IFFO2: variants seen among roughly 807,000 people sequenced by gnomAD.
IFFO2 encodes the protein intermediate filament family orphan 2.
IFFO2 carries 19 observed loss-of-function variants against 53.5 expected under a neutral mutation model. The observed-to-expected ratio is 0.36, with a 90% CI of 0.25 to 0.52. The LOEUF is 0.52. Among genes scored for constraint, IFFO2 ranks in the 20% least tolerant of loss-of-function variants. The pLI is 0.94. For missense variants in IFFO2, 570 were observed against 727.4 expected (o/e 0.78, Z 2.49); for synonymous variants, 303 against 313.6 (o/e 0.97, Z 0.36).
intron 1 of IFFO2, among the ~76,000 whole-genome samples, chr1:18,939,228 G>A (rs1196318565): frequency 6.6e-6 from 1 of 152,242 alleles, no homozygotes; most frequent in Non-Finnish European, 1.5e-5. Context: ...CCAGCAGGCA[G>A]GAGCACTGAT....
intron 5 of IFFO2, 101 bp from the exon 6 acceptor site, chr1:18,912,184 C>G: frequency 2.1e-6 from 3 of 1,403,304 alleles, no homozygotes; most frequent in African/African-American, 1.4e-5. Context: ...TACACAGCTT[C>G]AAGGCTGTCC....
chr1:18,954,709 A>C (rs1936701917), intron 1 of IFFO2, among the ~76,000 whole-genome samples: 1 of 152,228 alleles, frequency 6.6e-6, no homozygotes. Context: ...CCAAGCAGAC[A>C]GTATTGTCGG....
Position 18,919,862 on chromosome 1 carries a change from C to T in IFFO2, c.727-89G>A, listed in dbSNP as rs2100652000. 1.1e-6 allele frequency: 1 copy of T among 872,120 alleles called. No individual in the cohort carries two copies. The highest frequency in any genetic ancestry group is 1.8e-6 in the Non-Finnish European group (1 of 555,218). The allele number at this position is 872,120 out of a possible 1,614,324, so 54.0% of individuals were successfully genotyped here. On this transcript the variant is annotated intron_variant, in intron 2 of 8. Coordinates refer to ENST00000455833, the MANE Select transcript of IFFO2 (RefSeq NM_001136265.2). The surrounding 1 kb of genome is among the most constrained non-coding windows in gnomAD (Gnocchi z 4.9). ...ACACCTGAGTCCAGAGCCCTAGGCA[C>T]CCGATGTCCACCCCAGCTGGGCACC...
Position 18,917,035 on chromosome 1 carries a change from G to A in IFFO2, c.971C>T (p.Pro324Leu), listed in dbSNP as rs1248124319. ...EDVSKIFQVV[P>L]KKKERKVASD... is the part of the protein sequence containing the mutation. ...AGCCACCTTACGCTCTTTCTTTTTG[G>A]GGACCACCTGAACCGGAAAGGAAGC... The change falls in exon 5 of 9, where the codon CCC (proline) becomes CTC (leucine). Residue 324 changes from proline to leucine, a missense_variant. Physicochemically the swap from Pro to Leu is moderately conservative, Grantham distance 98. Transcript: ENST00000455833. This position sits in a 1 kb window ranked among gnomAD's most constrained non-coding sequence, Gnocchi z 5.9. The A allele has an allele frequency of 6.4e-7, 1 of 1,552,224 alleles. No individual in the cohort carries two copies. The highest frequency in any genetic ancestry group is 8.7e-7 in the Non-Finnish European group (1 of 1,147,092).
rs1439096781 is a variant in IFFO2, at chr1:18,916,201, T to A, written c.1103+702A>T. On this transcript the variant is annotated intron_variant, in intron 5 of 8. Transcript: ENST00000455833. The surrounding 1 kb of genome is among the most constrained non-coding windows in gnomAD (Gnocchi z 4.3). ...TTCATGACATCCTCAGACACAGACA[T>A]GTCCAGAGAGAGGACAGCCCAGCCC... 6.6e-6 allele frequency among the ~76,000 whole-genome samples: 1 copy of A among 151,966 alleles called. No homozygotes were observed. Among genetic ancestry groups the A allele is most frequent in the Non-Finnish European group, 1.5e-5 (1 of 67,990 alleles).
rs1413173379 is a variant in IFFO2, at chr1:18,955,799, C to A, written c.534G>T (p.Val178=). Residue 178 remains valine (V), a synonymous_variant, in exon 1 of 9, where the codon GTG becomes GTT. Coordinates refer to ENST00000455833, the MANE Select transcript of IFFO2 (RefSeq NM_001136265.2). ...GCACCCACGACACGCCGGGGCCCTG[C>A]ACGGTCTCCACGCCGCCGCCGCCCG... ...RRTGGGGVET[V]QGPGVSWVHP... is the part of the protein sequence containing the mutation. The A allele has an allele frequency of 2.0e-6, 3 of 1,534,674 alleles. No individual in the cohort carries two copies. The East Asian group carries it at 7.5e-5, about 38-fold the overall frequency.
At chr1:18,934,057 CTTTTTTTTTTTTTT>C (rs71577808) in intron 1 of IFFO2, among the ~76,000 whole-genome samples, 145 of 70,318 alleles carry the variant, frequency 2.1e-3, no homozygotes, top group Non-Finnish European at 3.1e-3. Flanking sequence ...TCTCTTATTT[CTTTTTTTTTTTTTT>C]TTTTTTTTTT....
At position 18,956,445 on chromosome 1, in the gene IFFO2, G is replaced by A. The variant is rs1936730578; in HGVS notation, c.-113C>T. 6.2e-6 allele frequency: 1 copy of A among 161,190 alleles called. No homozygotes were observed. The highest frequency in any genetic ancestry group is 1.3e-5 in the Non-Finnish European group (1 of 74,540). The allele number at this position is 161,190 out of a possible 1,614,324, so 10.0% of individuals were successfully genotyped here. A position where few individuals can be genotyped will look rare whatever the true frequency, so the allele number is the denominator to read the frequency against. On this transcript the variant is annotated 5_prime_UTR_variant, in exon 1 of 9. Coordinates refer to ENST00000455833, the MANE Select transcript of IFFO2 (RefSeq NM_001136265.2). The surrounding 1 kb of genome is among the most constrained non-coding windows in gnomAD (Gnocchi z 6.4). Reference sequence around the variant, plus strand: ...GGTGGGCGCGGGCTCCAGCGCGGCCGGCCGGGCGGTTCCAGATGCGCGCCA... The same window carrying A: ...GGTGGGCGCGGGCTCCAGCGCGGCCAGCCGGGCGGTTCCAGATGCGCGCCA...
intron 1 of IFFO2, among the ~76,000 whole-genome samples, chr1:18,948,654 C>T (rs1416277662): frequency 6.6e-6 from 1 of 152,262 alleles, no homozygotes; most frequent in East Asian, 1.9e-4. Context: ...CTTCAGCAGT[C>T]TCCCATCTGG....
rs1262552761 is a variant in IFFO2 at position 18,956,171 on chromosome 1, G to C, written c.162C>G (p.Ile54Met). 1 of 1,475,818 alleles carries C rather than the reference G, an allele frequency of 6.8e-7. No homozygotes were observed. The allele number at this position is 1,475,818 out of a possible 1,614,324, so 91.4% of individuals were successfully genotyped here. A position where few individuals can be genotyped will look rare whatever the true frequency, so the allele number is the denominator to read the frequency against. The change falls in exon 1 of 9, where the codon ATC (isoleucine) becomes ATG (methionine). Residue 54 changes from isoleucine (I) to methionine (M), a missense_variant. Ile to Met is a conservative substitution (Grantham distance 10). Transcript: ENST00000455833. The surrounding 1 kb of genome is among the most constrained non-coding windows in gnomAD (Gnocchi z 6.4). Reference protein sequence around the residue: ...AALRDDLGSNIHLLKGLNVRF... With the variant: ...AALRDDLGSNMHLLKGLNVRF... ...GCACGTTGAGCCCCTTCAAGAGGTGGATGTTGGAGCCCAGGTCGTCCCGCA... is the reference window on the plus strand; with the variant it reads ...GCACGTTGAGCCCCTTCAAGAGGTGCATGTTGGAGCCCAGGTCGTCCCGCA...
intron 1 of IFFO2, among the ~76,000 whole-genome samples, chr1:18,939,276 G>A (rs1936490526): frequency 6.6e-6 from 1 of 152,214 alleles, no homozygotes; most frequent in Non-Finnish European, 1.5e-5. Flanking sequence ...CATGGGGCTG[G>A]CTGTTCTGCT....
At chr1:18,950,780 G>A (rs1391188408) in intron 1 of IFFO2, among the ~76,000 whole-genome samples, 1 of 152,156 alleles carries the variant, frequency 6.6e-6, no homozygotes, top group Admixed American at 6.5e-5. Context: ...GGAATGGGCG[G>A]GGGACACTCC....
At chr1:18,911,620 C>A in intron 6 of IFFO2, 144 bp from the exon 7 acceptor site, 2 of 406,164 alleles carry the variant, frequency 4.9e-6, no homozygotes, top group Non-Finnish European at 8.2e-6. Context: ...CTCACTACAA[C>A]CTCTGCCTCC....
rs2148175994 is a variant in IFFO2 at position 18,928,343 on chromosome 1, G to A, written c.666-7222C>T. Among the ~76,000 whole-genome samples, 1 of 152,316 alleles carries A rather than the reference G, an allele frequency of 6.6e-6. No individual in the cohort carries two copies. The stretch of plus-strand genomic sequence containing the variant: ...GTACTCTCCAGCTCTCGGAAGGAAA[G>A]ACAAATTAAATGCCAACTGATTGTC... On this transcript the variant is annotated intron_variant, in intron 1 of 8. Coordinates refer to ENST00000455833, the MANE Select transcript of IFFO2 (RefSeq NM_001136265.2). This position sits in a 1 kb window ranked among gnomAD's most constrained non-coding sequence, Gnocchi z 4.9.
chr1:18,954,024 C>A (rs1936691615), intron 1 of IFFO2, among the ~76,000 whole-genome samples: 1 of 152,244 alleles, frequency 6.6e-6, no homozygotes, highest in South Asian at 2.1e-4. Flanking sequence ...CCCTAGCCTG[C>A]CCCAATGACA....
At chr1:18,954,950 G>C (rs925111309) in intron 1 of IFFO2, among the ~76,000 whole-genome samples, 6 of 152,198 alleles carry the variant, frequency 3.9e-5, no homozygotes, top group African/African-American at 1.4e-4. Context: ...GGAGAAGAGG[G>C]ATGAAAGGAG....
chr1:18,955,835 C>A lies in IFFO2; in HGVS notation c.498G>T (p.Gln166His). ...RLPGTIWSYTQVRRTGGGGVE... is the reference protein window; with the variant it reads ...RLPGTIWSYTHVRRTGGGGVE... ...CGCCGCCGCCGCCCGTGCGCCGCAC[C>A]TGCGTGTAGCTCCAGATGGTCCCGG... is the stretch of plus-strand genomic sequence containing the variant. The change falls in exon 1 of 9, where the codon CAG (glutamine) becomes CAT (histidine). Residue 166 changes from glutamine to histidine, a missense_variant. Transcript: ENST00000455833. The A allele has an allele frequency of 6.6e-7, 1 of 1,515,188 alleles. No individual in the cohort carries two copies. The highest frequency in any genetic ancestry group is 1.4e-5 in the African/African-American group (1 of 69,860). 93.9% of individuals were successfully genotyped at this position (1,515,188 alleles called of 1,614,324 possible). A position where few individuals can be genotyped will look rare whatever the true frequency, so the allele number is the denominator to read the frequency against.
chr1:18,948,038 T>A (rs1936612426), intron 1 of IFFO2, among the ~76,000 whole-genome samples: 1 of 152,180 alleles, frequency 6.6e-6, no homozygotes, highest in Admixed American at 6.5e-5. Flanking sequence ...TCTCTGAACC[T>A]CTCATTTGTA....
At position 18,918,336 on chromosome 1, in the gene IFFO2, C is replaced by T. The variant is rs370415048; in HGVS notation, c.963+26G>A. On this transcript the variant is annotated intron_variant, in intron 4 of 8. Transcript: ENST00000455833. This position sits in a 1 kb window ranked among gnomAD's most constrained non-coding sequence, Gnocchi z 5.2. The stretch of plus-strand genomic sequence containing the variant: ...CTGCTCTGGGAGAGTGGGGGGTTGG[C>T]TGGTGAGCAGGGCAGCCCTAGTCAC... The T allele has an allele frequency of 1.3e-6, 2 of 1,541,248 alleles. No individual in the cohort carries two copies. The highest frequency in any genetic ancestry group is 1.2e-5 in the South Asian group (1 of 83,776).
Sources: allele counts gnomAD v4.1 joint callset (sites outside exome capture counted in the v4.1 genomes callset), GRCh38; gene constraint gnomAD v4.1.1; non-coding constraint Gnocchi (gnomAD v3.1); transcripts MANE v1.5; gene names NCBI Gene and HGNC (gene_info 2026-07-23, HGNC 2026-07-21).